ABCA13: variants seen among roughly 807,000 people sequenced by gnomAD.
ABCA13 encodes ATP-binding cassette sub-family A member 13.
A neutral mutation model predicts 478.7 loss-of-function variants in ABCA13; 476 were observed. That is an observed-to-expected ratio of 0.99 (90% CI 0.92 to 1.07). The LOEUF (loss-of-function observed/expected upper bound fraction) is 1.07. ABCA13 is among the 50% of genes least tolerant of loss of function. ABCA13 has a pLI of 0.00. For missense variants in ABCA13, 6,060 were observed against 5,910.6 expected, an observed-to-expected ratio of 1.03 and a Z score of -0.83; for synonymous variants, 2,252 against 2,158.9, an observed-to-expected ratio of 1.04 and a Z score of -1.20.
chr7:48,547,159 C>A (rs1015768361), intron 55 of ABCA13, among the ~76,000 whole-genome samples: 6 of 147,780 alleles, frequency 4.1e-5, no homozygotes, highest in African/African-American at 1.5e-4. Flanking sequence ...TGCTCATATA[C>A]AGTGTATATT....
chr7:48,529,962 G>C (rs1454312736), intron 55 of ABCA13, among the ~76,000 whole-genome samples: 2 of 151,914 alleles, frequency 1.3e-5, no homozygotes, highest in Admixed American at 1.3e-4. Context: ...GTGGTGTTTG[G>C]TTACATGAAT....
rs149939819 is a variant in ABCA13 at position 48,340,970 on chromosome 7, T to C, written c.10204+2515T>C. On this transcript the variant is annotated intron_variant, in intron 29 of 61. Transcript: ENST00000435803. ...CTACGGCAGTATTTCTTGATTTATT[T>C]GTTACAGGAATTATCAATTGATTTC... Among the ~76,000 whole-genome samples, 639 of 152,332 alleles carry C rather than the reference T, an allele frequency of 4.2e-3. 8 individuals are homozygous for C. The highest frequency in any genetic ancestry group is 0.014 in the African/African-American group (589 of 41,578).
At chr7:48,479,544 C>A (rs181105388) in intron 45 of ABCA13, among the ~76,000 whole-genome samples, 1 of 152,138 alleles carries the variant, frequency 6.6e-6, no homozygotes, top group African/African-American at 2.4e-5. Flanking sequence ...GCTCTTTTAG[C>A]AATTTTCAAG....
Position 48,374,384 on chromosome 7 carries a change from T to G in ABCA13, c.11171T>G (p.Phe3724Cys), listed in dbSNP as rs1813134566. The G allele has an allele frequency of 1.9e-6, 3 of 1,610,802 alleles. No individual in the cohort carries two copies. Among genetic ancestry groups the G allele is most frequent in the Non-Finnish European group, 8.5e-7 (1 of 1,178,700 alleles). The change falls in exon 34 of 62, where the codon TTT becomes TGT. Residue 3724 changes from phenylalanine (F) to cysteine (C), a missense_variant. This residue lies in a region of ABCA13 where 4,423 missense variants were observed against 4,309.1 expected (regional missense o/e 1.03). Transcript: ENST00000435803. Reference sequence around the variant, plus strand: ...ACAACCGCCTTTGGACAAGGGGTATTTTTTATTACATTCCTGGAAGGACAA... The same window carrying G: ...ACAACCGCCTTTGGACAAGGGGTATGTTTTATTACATTCCTGGAAGGACAA... The part of the protein sequence containing the change: ...LSTTAFGQGV[F>C]FITFLEGQET...
chr7:48,511,566 G>A (rs1029085758), intron 51 of ABCA13, among the ~76,000 whole-genome samples: 3 of 152,102 alleles, frequency 2.0e-5, no homozygotes. Context: ...CTCTCAGCAA[G>A]CTCTCTGGCA....
At chr7:48,319,848 G>A (rs1039364378) in intron 27 of ABCA13, among the ~76,000 whole-genome samples, 9 of 152,222 alleles carry the variant, frequency 5.9e-5, no homozygotes, top group African/African-American at 1.7e-4. Flanking sequence ...GAGTAGATCC[G>A]TGATTTTCAG....
chr7:48,571,825 G>A (rs563870753), intron 55 of ABCA13, among the ~76,000 whole-genome samples: 97 of 152,236 alleles, frequency 6.4e-4, no homozygotes, highest in African/African-American at 2.3e-3. Flanking sequence ...GAATAGAAGA[G>A]GTGGTAATGG....
intron 61 of ABCA13, 104 bp from the exon 62 acceptor site, chr7:48,645,313 T>C (rs1795372116): frequency 1.1e-5 from 9 of 800,516 alleles, no homozygotes; most frequent in Non-Finnish European, 1.8e-5. Flanking sequence ...CTGTGGTTTT[T>C]AGGGCAAGTT....
chr7:48,612,825 C>T (rs990095226), intron 58 of ABCA13, among the ~76,000 whole-genome samples: 2 of 151,566 alleles, frequency 1.3e-5, no homozygotes, highest in African/African-American at 4.8e-5. Context: ...TATGAGATGA[C>T]ATATTGAGAA....
chr7:48,522,321 C>A lies in ABCA13; in HGVS notation c.14052-1927C>A, dbSNP rs552887233. On this transcript the variant is annotated intron_variant, in intron 53 of 61. Coordinates refer to ENST00000435803, the MANE Select transcript of ABCA13 (RefSeq NM_152701.5). The stretch of plus-strand genomic sequence containing the variant: ...GCTGTCCTTCCCTAACCTGCGCTGA[C>A]TCCTGTCCAGCTGTCCCACTGTCCT... 1.6e-4 allele frequency among the ~76,000 whole-genome samples: 24 copies of A among 152,248 alleles called. No homozygotes were observed. In the South Asian group the frequency reaches 4.4e-3, roughly 28 times the overall value.
intron 48 of ABCA13, among the ~76,000 whole-genome samples, chr7:48,504,009 T>G (rs929115043): frequency 6.6e-6 from 1 of 152,196 alleles, no homozygotes; most frequent in Non-Finnish European, 1.5e-5. Flanking sequence ...TATTTGTCAG[T>G]TATACCTGAA....
intron 27 of ABCA13, among the ~76,000 whole-genome samples, chr7:48,326,984 C>G (rs1451844238): frequency 6.6e-6 from 1 of 152,182 alleles, no homozygotes; most frequent in Non-Finnish European, 1.5e-5. Flanking sequence ...GAGAGTTTTA[C>G]ATTTGCTCAT....
In ABCA13 at chr7:48,379,074, A is replaced by C. The variant is rs76103930; in HGVS notation, c.11335+2502A>C. The stretch of plus-strand genomic sequence containing the variant: ...GAGTCTATTACAGAATTTAAAAAAA[A>C]TCAAAGCTCGCACATATTTATAACA... On this transcript the variant is annotated intron_variant, in intron 35 of 61. Transcript: ENST00000435803. 5.1e-4 allele frequency among the ~76,000 whole-genome samples: 78 copies of C among 152,390 alleles called. No homozygotes were observed. In the East Asian group the frequency reaches 0.014, roughly 27 times the overall value.
chr7:48,209,728 A>G (rs1310007374), intron 3 of ABCA13, among the ~76,000 whole-genome samples: 8 of 152,212 alleles, frequency 5.3e-5, no homozygotes. Flanking sequence ...TTCCAAAAGC[A>G]ATCTGCAAAT....
At position 48,409,997 on chromosome 7, in the gene ABCA13, G is replaced by A. The variant is rs1191439852; in HGVS notation, c.12071-523G>A. 2.0e-5 allele frequency among the ~76,000 whole-genome samples: 3 copies of A among 150,236 alleles called. No individual in the cohort carries two copies. The East Asian group carries it at 5.9e-4, about 30-fold the overall frequency. On this transcript the variant is annotated intron_variant, in intron 39 of 61. Transcript: ENST00000435803. ...TAGTCCTAGCTACTCTGGAGGCTGAGGTGGGAGAATCGCTTGAACCCGGGA... is the reference window on the plus strand; with the variant it reads ...TAGTCCTAGCTACTCTGGAGGCTGAAGTGGGAGAATCGCTTGAACCCGGGA...
At position 48,273,577 on chromosome 7, in the gene ABCA13, C is replaced by T; in HGVS notation, c.3911C>T (p.Ser1304Leu). 6.3e-7 allele frequency: 1 copy of T among 1,584,686 alleles called. No individual in the cohort carries two copies. Among genetic ancestry groups the T allele is most frequent in the Non-Finnish European group, 8.6e-7 (1 of 1,163,510 alleles). The change falls in exon 17 of 62, where the codon TCA becomes TTA. Residue 1304 changes from serine (S) to leucine (L), a missense_variant. Physicochemically the swap from Ser to Leu is moderately radical, Grantham distance 145. Transcript: ENST00000435803. The stretch of plus-strand genomic sequence containing the variant: ...GAATATATAGTCAGAAATCTAGATT[C>T]AATAAATGACTTTCTTTCAAATAAT... ...TSEYIVRNLD[S>L]INDFLSNNLT... is the part of the protein sequence containing the mutation.
At chr7:48,249,823 T>A (rs193123798) in intron 15 of ABCA13, among the ~76,000 whole-genome samples, 14 of 152,334 alleles carry the variant, frequency 9.2e-5, no homozygotes, top group Admixed American at 8.5e-4. Flanking sequence ...ACCATATGTG[T>A]GGATTTGTTC....
intron 5 of ABCA13, among the ~76,000 whole-genome samples, chr7:48,225,180 CCTTCCTTCCTTCTTTG>C (rs1788028851): frequency 1.3e-5 from 2 of 149,706 alleles, no homozygotes; most frequent in Admixed American, 1.3e-4. Context: ...TTCCTTCCTT[CCTTCCTTCCTTCTTTG>C]CTTCCTTCTT....
chr7:48,221,649 C>T (rs933539506), intron 5 of ABCA13, among the ~76,000 whole-genome samples: 1 of 152,144 alleles, frequency 6.6e-6, no homozygotes, highest in Non-Finnish European at 1.5e-5. Flanking sequence ...GCGGTGACTC[C>T]CTCGAGGCAC....
Sources: gnomAD v4.1 joint callset for allele counts (sites outside exome capture counted in the v4.1 genomes callset) on GRCh38, gnomAD v4.1.1 for gene constraint, gnomAD v4.1.1 regional missense constraint, MANE v1.5 for transcripts, NCBI Gene and HGNC (gene_info 2026-07-23, HGNC 2026-07-21) for gene names.